The following SPOCK1 variants were observed in gnomAD, a reference collection of about 807,000 sequenced individuals.
The protein encoded by SPOCK1 is SPARC (osteonectin), cwcv and kazal like domains proteoglycan 1, also known as testican-1.
SPOCK1 carries 23 observed loss-of-function variants against 55.3 expected under a neutral mutation model. The ratio of observed to expected loss-of-function variants is 0.42; its 90% CI spans 0.30 to 0.59. The LOEUF is 0.59. Ranked by LOEUF, SPOCK1 falls within the 20% of genes least tolerant of loss-of-function variation. SPOCK1 has a pLI of 0.22. For synonymous variants in SPOCK1, 226 were observed against 221.0 expected (o/e 1.02, Z -0.20); for missense variants, 499 against 552.5 (o/e 0.90, Z 0.97).
intron 9 of SPOCK1, among the ~76,000 whole-genome samples, chr5:136,982,482 T>C (rs1006494072): frequency 6.6e-6 from 1 of 152,192 alleles, no homozygotes; most frequent in Non-Finnish European, 1.5e-5. Context: ...ACTTACTAAG[T>C]TTTCTTTATA....
At chr5:137,150,160 G>A (rs534244847) in intron 3 of SPOCK1, among the ~76,000 whole-genome samples, 1 of 152,210 alleles carries the variant, frequency 6.6e-6, no homozygotes, top group Non-Finnish European at 1.5e-5. Flanking sequence ...TCTCAAAATG[G>A]TAAACTCTAT....
At chr5:137,392,028 A>C (rs952838025) in intron 2 of SPOCK1, among the ~76,000 whole-genome samples, 5 of 152,122 alleles carry the variant, frequency 3.3e-5, no homozygotes, top group Admixed American at 2.0e-4. Flanking sequence ...AACTCTTCTC[A>C]GTTTTCTTCC....
intron 5 of SPOCK1, among the ~76,000 whole-genome samples, chr5:137,092,406 G>T (rs1753068490): frequency 6.6e-6 from 1 of 152,208 alleles, no homozygotes; most frequent in Non-Finnish European, 1.5e-5. Context: ...GTGTGAAGGG[G>T]AGGGCAGGGT....
intron 3 of SPOCK1, among the ~76,000 whole-genome samples, chr5:137,181,972 GC>G (rs1368634565): frequency 2.6e-5 from 4 of 152,178 alleles, no homozygotes; most frequent in African/African-American, 9.7e-5. Context: ...TCCACTGGTA[GC>G]AAAAAGGGAC....
chr5:137,273,348 A>G, intron 2 of SPOCK1: 1 of 982,470 alleles, frequency 1.0e-6, no homozygotes, highest in Non-Finnish European at 1.2e-6. Flanking sequence ...TGCTATGTCT[A>G]CATACAGTTG....
chr5:137,111,524 T>A (rs202161133), intron 5 of SPOCK1, among the ~76,000 whole-genome samples: 1 of 152,132 alleles, frequency 6.6e-6, no homozygotes, highest in East Asian at 1.9e-4. Context: ...CAATGTTAGA[T>A]CCTCAGGGGA....
chr5:137,093,248 A>C (rs955989378), intron 5 of SPOCK1, among the ~76,000 whole-genome samples: 4 of 152,152 alleles, frequency 2.6e-5, no homozygotes, highest in African/African-American at 9.7e-5. Flanking sequence ...TGTCTCCCTG[A>C]GATCCTGAAA....
At chr5:137,292,896 G>A (rs1207249317) in intron 2 of SPOCK1, among the ~76,000 whole-genome samples, 5 of 152,088 alleles carry the variant, frequency 3.3e-5, no homozygotes, top group South Asian at 2.1e-4. Context: ...CCTCAGAGTC[G>A]CTGCTGCAAA....
chr5:137,162,140 T>TC (rs1754570160), intron 3 of SPOCK1, among the ~76,000 whole-genome samples: 1 of 151,184 alleles, frequency 6.6e-6, no homozygotes, highest in Non-Finnish European at 1.5e-5. Flanking sequence ...TCTTTTTTTT[T>TC]TTTTTTTTCC....
chr5:137,144,039 A>G (rs1286829174), intron 3 of SPOCK1, among the ~76,000 whole-genome samples: 1 of 152,158 alleles, frequency 6.6e-6, no homozygotes, highest in Non-Finnish European at 1.5e-5. Context: ...TACTGGGTAA[A>G]AGGAGGGGGC....
At position 136,978,467 on chromosome 5, in the gene SPOCK1, C is replaced by A; in HGVS notation, c.*187G>T. 2.1e-6 allele frequency: 1 copy of A among 482,138 alleles called. No homozygotes were observed. Among genetic ancestry groups the A allele is most frequent in the Non-Finnish European group, 3.5e-6 (1 of 288,562 alleles). The allele number at this position is 482,138 out of a possible 1,614,324, so 29.9% of individuals were successfully genotyped here. A position where few individuals can be genotyped will look rare whatever the true frequency, so the allele number is the denominator to read the frequency against. Reference sequence around the variant, plus strand: ...ACAAAAAAAAAACACAACACCCTTTCTCCCATACAAACATATGCAAAATCA... The same window carrying A: ...ACAAAAAAAAAACACAACACCCTTTATCCCATACAAACATATGCAAAATCA... On this transcript the variant is annotated 3_prime_UTR_variant, in exon 11 of 11. Transcript: ENST00000394945.
intron 2 of SPOCK1, among the ~76,000 whole-genome samples, chr5:137,361,011 G>C (rs148536758): frequency 2.0e-5 from 3 of 152,172 alleles, no homozygotes; most frequent in Non-Finnish European, 4.4e-5. Flanking sequence ...TGGAGGTGAA[G>C]TGTTCGGGAG....
At chr5:137,016,097 A>T (rs1054027034) in intron 6 of SPOCK1, among the ~76,000 whole-genome samples, 1 of 152,192 alleles carries the variant, frequency 6.6e-6, no homozygotes, top group Non-Finnish European at 1.5e-5. Flanking sequence ...GGGTGATGGA[A>T]TCAGGGTGTC....
intron 4 of SPOCK1, among the ~76,000 whole-genome samples, chr5:137,129,029 C>A (rs1753827213): frequency 5.9e-5 from 9 of 152,196 alleles, no homozygotes; most frequent in Admixed American, 5.9e-4. Context: ...ATACAGTCCA[C>A]CCTAAACCAC....
At chr5:137,353,407 T>C (rs1329835047) in intron 2 of SPOCK1, among the ~76,000 whole-genome samples, 1 of 151,892 alleles carries the variant, frequency 6.6e-6, no homozygotes, top group African/African-American at 2.4e-5. Flanking sequence ...AATAAAAATA[T>C]AAATAAATTG....
intron 6 of SPOCK1, among the ~76,000 whole-genome samples, chr5:137,000,625 G>A (rs978185940): frequency 1.3e-5 from 2 of 152,214 alleles, no homozygotes; most frequent in Non-Finnish European, 2.9e-5. Flanking sequence ...CATGAATGTG[G>A]AGAAGGAGTG....
chr5:137,390,620 G>C (rs1751699262), intron 2 of SPOCK1, among the ~76,000 whole-genome samples: 2 of 152,174 alleles, frequency 1.3e-5, no homozygotes, highest in African/African-American at 4.8e-5. Flanking sequence ...AGAAACACCA[G>C]AGAAATCTCC....
rs544358501 is a variant in SPOCK1 at position 137,296,897 on chromosome 5, C to T, written c.187-29842G>A. On this transcript the variant is annotated intron_variant, in intron 2 of 10. Transcript: ENST00000394945. ...AGGCTACCCAAGCCCTCCTGCAAAA[C>T]GGGGAGATAGGCACAGCTAATCCCA... Among the ~76,000 whole-genome samples the T allele has an allele frequency of 8.5e-5, 13 of 152,272 alleles. No individual in the cohort carries two copies. The South Asian group carries it at 1.9e-3, about 22-fold the overall frequency.
chr5:137,472,493 G>A (rs1753756670), intron 2 of SPOCK1, among the ~76,000 whole-genome samples: 3 of 152,170 alleles, frequency 2.0e-5, no homozygotes, highest in East Asian at 1.9e-4. Context: ...AGGCACTCAC[G>A]TGTGCTGCTG....
Sources: allele counts gnomAD v4.1 joint callset (sites outside exome capture counted in the v4.1 genomes callset), GRCh38; gene constraint gnomAD v4.1.1; transcripts MANE v1.5; gene names NCBI Gene and HGNC (gene_info 2026-07-23, HGNC 2026-07-21).